CCDC92: variants seen among roughly 807,000 people sequenced by gnomAD.
CCDC92 encodes the protein coiled-coil domain-containing protein 92.
In CCDC92, 12 loss-of-function variants were observed where a neutral mutation model predicts 24.9. The ratio of observed to expected loss-of-function variants is 0.48; its 90% CI spans 0.31 to 0.78. The LOEUF is 0.78. Ranked by LOEUF, CCDC92 falls within the 30% of genes least tolerant of loss-of-function variation. CCDC92 has a pLI of 0.05. For missense variants in CCDC92, 399 were observed against 439.4 expected (o/e 0.91, Z 0.82); for synonymous variants, 193 against 196.3 (o/e 0.98, Z 0.14).
intron 4 of CCDC92, among the ~76,000 whole-genome samples, chr12:123,938,331 C>G (rs748032428): frequency 3.3e-5 from 5 of 152,144 alleles, no homozygotes; most frequent in African/African-American, 1.2e-4. Flanking sequence ...CTCTCACCCC[C>G]CTACCCCCGT....
At position 123,937,094 on chromosome 12, in the gene CCDC92, C is replaced by T. The variant is rs1566138970; in HGVS notation, c.960G>A (p.Val320=). ...TGTCCGTCCCTGAGTGCTTCCTCAC[C>T]ACCTTGCCTCCGTTCACCTGGTCGA... ...LAVDQVNGGK[V]VRKHSGTDRT... Residue 320 remains valine, a synonymous_variant, in exon 5 of 5, where the codon GTG becomes GTA. Coordinates refer to ENST00000238156, the MANE Select transcript of CCDC92 (RefSeq NM_025140.3). This position sits in a 1 kb window ranked among gnomAD's most constrained non-coding sequence, Gnocchi z 8.4. 1 of 1,613,962 alleles carries T rather than the reference C, an allele frequency of 6.2e-7. No individual in the cohort carries two copies. Among genetic ancestry groups the T allele is most frequent in the African/African-American group, 1.3e-5 (1 of 75,048 alleles).
chr12:123,968,278 T>C (rs978513221), intron 1 of CCDC92: 13 of 152,244 alleles, frequency 8.5e-5, no homozygotes, highest in Admixed American at 1.3e-4. Flanking sequence ...CATGAAAGTA[T>C]TGATCTCGGT....
intron 1 of CCDC92, among the ~76,000 whole-genome samples, chr12:123,965,144 T>G (rs545860266): frequency 1.1e-4 from 17 of 152,366 alleles, no homozygotes; most frequent in Middle Eastern, 6.8e-3. Flanking sequence ...CCTGATATGT[T>G]TGATAACATT....
intron 1 of CCDC92, chr12:123,967,901 T>G (rs1956430950): frequency 6.6e-6 from 1 of 152,226 alleles, no homozygotes; most frequent in Non-Finnish European, 1.5e-5. Context: ...CAGGATGCAT[T>G]TAGAAATGGA....
At chr12:123,962,213 AAC>A (rs1956287251) in intron 1 of CCDC92, among the ~76,000 whole-genome samples, 1 of 152,202 alleles carries the variant, frequency 6.6e-6, no homozygotes, top group African/African-American at 2.4e-5. Flanking sequence ...GCTGCAGAAA[AAC>A]AGATACTATT....
chr12:123,957,899 G>C (rs992950144), intron 1 of CCDC92, among the ~76,000 whole-genome samples: 2 of 151,716 alleles, frequency 1.3e-5, no homozygotes, highest in African/African-American at 2.4e-5. Context: ...TAGACACGGA[G>C]TTTCGCCATG....
chr12:123,961,479 T>C (rs956736373), intron 1 of CCDC92, among the ~76,000 whole-genome samples: 2 of 152,216 alleles, frequency 1.3e-5, no homozygotes, highest in African/African-American at 4.8e-5. Context: ...TATGGAAAGA[T>C]GATTCTGGGG....
At chr12:123,949,530 C>A (rs534816178) in intron 1 of CCDC92, among the ~76,000 whole-genome samples, 1 of 152,352 alleles carries the variant, frequency 6.6e-6, no homozygotes, top group South Asian at 2.1e-4. Flanking sequence ...CTTTGCACAG[C>A]TCTGCTAGTT....
chr12:123,953,342 A>G (rs116417737), intron 1 of CCDC92, among the ~76,000 whole-genome samples: 25 of 152,164 alleles, frequency 1.6e-4, no homozygotes, highest in Non-Finnish European at 3.2e-4. Context: ...TAAAGTATGC[A>G]ATAATTTAAA....
At chr12:123,957,375 T>C (rs1956171486) in intron 1 of CCDC92, among the ~76,000 whole-genome samples, 1 of 152,230 alleles carries the variant, frequency 6.6e-6, no homozygotes, top group African/African-American at 2.4e-5. Context: ...GCCACTGCCC[T>C]TGCTGGTTGT....
chr12:123,945,061 C>T (rs934692721), intron 1 of CCDC92: 1 of 152,146 alleles, frequency 6.6e-6, no homozygotes, highest in Admixed American at 6.5e-5. Context: ...ATGGTCACTA[C>T]AGTGCAGTTT....
chr12:123,959,638 C>G (rs1346585942), intron 1 of CCDC92, among the ~76,000 whole-genome samples: 1 of 152,176 alleles, frequency 6.6e-6, no homozygotes, highest in Admixed American at 6.5e-5. Flanking sequence ...TCACTTAATT[C>G]TTGAAACAAT....
Position 123,937,826 on chromosome 12 carries a change from G to A in CCDC92, c.228C>T (p.Asp76=), listed in dbSNP as rs763400066. The A allele has an allele frequency of 1.8e-5, 29 of 1,604,128 alleles. No individual in the cohort carries two copies. The highest frequency in any genetic ancestry group is 4.5e-5 in the East Asian group (2 of 44,890). ...LTVKSSEQTG[D]GTSKSSELKK... Reference sequence around the variant, plus strand: ...TTAATTCACTGCTTTTAGAAGTCCCGTCTCCTACAAGAATAAGCCGAGGAA... The same window carrying A: ...TTAATTCACTGCTTTTAGAAGTCCCATCTCCTACAAGAATAAGCCGAGGAA... Residue 76 remains aspartate, a synonymous_variant, in exon 5 of 5, where the codon GAC becomes GAT. Transcript: ENST00000238156. This position sits in a 1 kb window ranked among gnomAD's most constrained non-coding sequence, Gnocchi z 8.4.
At chr12:123,968,355 T>C (rs1356286729) in intron 1 of CCDC92, 2 of 152,204 alleles carry the variant, frequency 1.3e-5, no homozygotes, top group African/African-American at 4.8e-5. Flanking sequence ...TTTAAAGATG[T>C]TTGTGTGATC....
At chr12:123,959,430 G>A (rs1320363630) in intron 1 of CCDC92, among the ~76,000 whole-genome samples, 1 of 151,922 alleles carries the variant, frequency 6.6e-6, no homozygotes, top group African/African-American at 2.4e-5. Context: ...TCAGTCTCCT[G>A]AGTAGCTGGG....
At chr12:123,942,915 A>G in intron 3 of CCDC92, 130 bp from the exon 4 acceptor site, 1 of 754,072 alleles carries the variant, frequency 1.3e-6, no homozygotes, top group Non-Finnish European at 2.3e-6. Flanking sequence ...GTTTGGCAGC[A>G]GGAGAGGTGA....
Position 123,936,710 on chromosome 12 carries a change from G to A in CCDC92, c.*348C>T, listed in dbSNP as rs941818807. ...GGTCAAGGTTGGTATGTGTTGCTCC[G>A]ACTTGAGAATGAATTAGGTGTGTGA... is the stretch of plus-strand genomic sequence containing the variant. On this transcript the variant is annotated 3_prime_UTR_variant, in exon 5 of 5. Coordinates refer to ENST00000238156, the MANE Select transcript of CCDC92 (RefSeq NM_025140.3). 5.3e-5 allele frequency: 19 copies of A among 359,762 alleles called. No homozygotes were observed. Among genetic ancestry groups the A allele is most frequent in the Non-Finnish European group, 8.1e-5 (16 of 197,040 alleles). The allele number at this position is 359,762 out of a possible 1,614,324, so 22.3% of individuals were successfully genotyped here. A position where few individuals can be genotyped will look rare whatever the true frequency, so the allele number is the denominator to read the frequency against.
At chr12:123,940,624 C>A (rs1955655573) in intron 4 of CCDC92, among the ~76,000 whole-genome samples, 1 of 152,190 alleles carries the variant, frequency 6.6e-6, no homozygotes, top group Non-Finnish European at 1.5e-5. Flanking sequence ...CTGTACGTAC[C>A]CCCTTTCTGG....
Position 123,937,728 on chromosome 12 carries a change from A to T in CCDC92, c.326T>A (p.Leu109Gln). The change falls in exon 5 of 5, where the codon CTG (leucine) becomes CAG (glutamine). Residue 109 changes from leucine to glutamine, a missense_variant. Coordinates refer to ENST00000238156, the MANE Select transcript of CCDC92 (RefSeq NM_025140.3). This position sits in a 1 kb window ranked among gnomAD's most constrained non-coding sequence, Gnocchi z 8.4. ...TGTGATCATCGCGTTTTTCTGCTCC[A>T]GTTCTTTCAACAACTCAGCATTTTC... ...ENENAELLKE[L>Q]EQKNAMITVL... 1.9e-6 allele frequency: 3 copies of T among 1,614,102 alleles called. No homozygotes were observed. The highest frequency in any genetic ancestry group is 2.5e-6 in the Non-Finnish European group (3 of 1,180,032).
Sources: gnomAD v4.1 joint callset for allele counts (sites outside exome capture counted in the v4.1 genomes callset) on GRCh38, gnomAD v4.1.1 for gene constraint, Gnocchi (gnomAD v3.1) non-coding constraint, MANE v1.5 for transcripts, NCBI Gene and HGNC (gene_info 2026-07-23, HGNC 2026-07-21) for gene names.